Variants in COPS3 observed in about 807,000 individuals in gnomAD.
The protein encoded by COPS3 is COP9 signalosome subunit 3.
A neutral mutation model predicts 58.2 loss-of-function variants in COPS3; 10 were observed. That is an observed-to-expected ratio of 0.17 (90% confidence interval 0.11 to 0.29). The LOEUF (loss-of-function observed/expected upper bound fraction) is 0.29, where lower values mean the gene tolerates loss of function less well. Ranked by LOEUF, COPS3 falls within the 10% of genes least tolerant of loss-of-function variation. COPS3 has a pLI of 1.00. For missense variants in COPS3, 333 were observed against 510.1 expected, an observed-to-expected ratio of 0.65 and a Z score of 3.34; for synonymous variants, 187 against 181.7, an observed-to-expected ratio of 1.03 and a Z score of -0.24.
In COPS3 at chr17:17,248,980, A is replaced by G. The variant is rs148936216; in HGVS notation, c.1083T>C (p.His361=). Reference sequence around the variant, plus strand: ...GGTTATTATATTTTTCAGGGTTATCATGGAAACTGACCATACCGTCCTTCT... The same window carrying G: ...GGTTATTATATTTTTCAGGGTTATCGTGGAAACTGACCATACCGTCCTTCT... ...INQKDGMVSF[H]DNPEKYNNPA... The change falls in exon 10 of 12, where the codon CAT becomes CAC. Residue 361 remains histidine, a synonymous_variant. Transcript: ENST00000268717. The G allele has an allele frequency of 1.9e-6, 3 of 1,612,100 alleles. No homozygotes were observed. The South Asian group carries it at 3.3e-5, about 18-fold the overall frequency.
chr17:17,262,167 AC>A, intron 6 of COPS3, 61 bp from the exon 7 acceptor site: 1 of 1,442,048 alleles, frequency 6.9e-7, no homozygotes, highest in South Asian at 1.3e-5. Context: ...ACAACAATCA[AC>A]CACATGTATC....
chr17:17,247,411 G>A (rs926118034), intron 11 of COPS3, 69 bp downstream of exon 11: 10 of 1,389,488 alleles, frequency 7.2e-6, no homozygotes, highest in Admixed American at 6.9e-5. Context: ...CTTAGTTCCT[G>A]TGCCTGATGT....
chr17:17,280,897 T>C (rs931737918), intron 1 of COPS3: 19 of 960,470 alleles, frequency 2.0e-5, no homozygotes, highest in Non-Finnish European at 2.8e-5. Context: ...GGGAGGGGGC[T>C]CCCGGCGGCC....
chr17:17,259,819 A>G (rs2048053323), intron 8 of COPS3, among the ~76,000 whole-genome samples: 2 of 152,070 alleles, frequency 1.3e-5, no homozygotes, highest in Non-Finnish European at 2.9e-5. Context: ...ACTTGAGCTC[A>G]GGAGGCAGAG....
At chr17:17,275,291 T>A (rs1214964009) in intron 2 of COPS3, among the ~76,000 whole-genome samples, 1 of 152,056 alleles carries the variant, frequency 6.6e-6, no homozygotes, top group Non-Finnish European at 1.5e-5. Flanking sequence ...TTTCACCAGT[T>A]GGCCAGGCAG....
rs767200029 is a variant in COPS3, at chr17:17,264,995, G to A, written c.442-14C>T. On this transcript the variant is annotated splice_polypyrimidine_tract_variant and intron_variant, in intron 5 of 11. Coordinates refer to ENST00000268717, the MANE Select transcript of COPS3 (RefSeq NM_003653.4). ...TAGCAAACAAAGCTGTGAACAAATT[G>A]ATATTAAATCATCACTTTAATTTTA... 1.9e-6 allele frequency: 3 copies of A among 1,602,290 alleles called. No individual in the cohort carries two copies. Among genetic ancestry groups the A allele is most frequent in the East Asian group, 4.5e-5 (2 of 44,716 alleles).
chr17:17,263,514 T>TC (rs900625757), intron 6 of COPS3, among the ~76,000 whole-genome samples: 3 of 132,428 alleles, frequency 2.3e-5, no homozygotes, highest in African/African-American at 5.7e-5. Flanking sequence ...CCTTTTCTTT[T>TC]TTTTTTTTTT....
At position 17,246,841 on chromosome 17, in the gene COPS3, C is replaced by G; in HGVS notation, c.*257G>C. 2 of 472,616 alleles carry G rather than the reference C, an allele frequency of 4.2e-6. No homozygotes were observed. The highest frequency in any genetic ancestry group is 3.3e-5 in the East Asian group (1 of 30,412). 29.3% of individuals were successfully genotyped at this position (472,616 alleles called of 1,614,324 possible). On this transcript the variant is annotated 3_prime_UTR_variant, in exon 12 of 12. Coordinates refer to ENST00000268717, the MANE Select transcript of COPS3 (RefSeq NM_003653.4). Reference sequence around the variant, plus strand: ...ACATTAATGTTCAAGCAACTTAAAACAAAAAGGTAGATTTAATGCAGTAAC... The same window carrying G: ...ACATTAATGTTCAAGCAACTTAAAAGAAAAAGGTAGATTTAATGCAGTAAC...
chr17:17,280,715 C>G (rs1278992757), intron 1 of COPS3: 1 of 1,266,382 alleles, frequency 7.9e-7, no homozygotes, highest in Non-Finnish European at 1.0e-6. Flanking sequence ...CGCCCGCTCC[C>G]GGCGGCCTAG....
At chr17:17,271,167 T>C (rs1269389936) in intron 2 of COPS3, among the ~76,000 whole-genome samples, 159 bp from the exon 3 acceptor site, 3 of 152,200 alleles carry the variant, frequency 2.0e-5, no homozygotes, top group African/African-American at 7.2e-5. Flanking sequence ...CAGTGGCTCA[T>C]GCCCGTAATC....
chr17:17,280,897 TC>T, intron 1 of COPS3: 3 of 960,594 alleles, frequency 3.1e-6, no homozygotes, highest in Non-Finnish European at 4.4e-6. Context: ...GGGAGGGGGC[TC>T]CCGGCGGCCC....
In COPS3 at chr17:17,267,906, T is replaced by C. The variant is rs745702251; in HGVS notation, c.420A>G (p.Ser140=). 14 of 1,613,942 alleles carry C rather than the reference T, an allele frequency of 8.7e-6. No homozygotes were observed. The South Asian group carries it at 1.3e-4, about 15-fold the overall frequency. ...TTACCTGGCAGAGATCAGCATGTAT[T>C]GAGGTCAGCTGGTTTGTATTCATCT... ...KMQMNTNQLT[S]IHADLCQLCL... is the part of the protein sequence containing the mutation. The change falls in exon 5 of 12, where the codon TCA becomes TCG. Residue 140 remains serine, a synonymous_variant. Transcript: ENST00000268717.
chr17:17,265,487 C>T (rs2048202036), intron 5 of COPS3, among the ~76,000 whole-genome samples: 1 of 151,906 alleles, frequency 6.6e-6, no homozygotes. Context: ...CAACCTCCAC[C>T]TCCCGGGTTC....
chr17:17,265,400 CCTTT>C (rs1159198860), intron 5 of COPS3, among the ~76,000 whole-genome samples: 1 of 149,048 alleles, frequency 6.7e-6, no homozygotes, highest in African/African-American at 2.5e-5. Flanking sequence ...AACAGCATTA[CCTTT>C]TTTTTTTTTT....
In COPS3 at chr17:17,254,262, T is replaced by C. The variant is rs545827898; in HGVS notation, c.1023+597A>G. On this transcript the variant is annotated intron_variant, in intron 9 of 11. Transcript: ENST00000268717. Reference sequence around the variant, plus strand: ...AATTGAGGCTGCAGTGAGCCGAGATTGCACCACTGCACACCAGCCTGGGCA... The same window carrying C: ...AATTGAGGCTGCAGTGAGCCGAGATCGCACCACTGCACACCAGCCTGGGCA... 8.5e-5 allele frequency among the ~76,000 whole-genome samples: 12 copies of C among 140,986 alleles called. No individual in the cohort carries two copies. In the East Asian group the frequency reaches 2.6e-3, roughly 31 times the overall value. 92.5% of individuals were successfully genotyped at this position (140,986 alleles called of 152,430 possible).
intron 5 of COPS3, among the ~76,000 whole-genome samples, chr17:17,265,681 G>A (rs771332810): frequency 1.5e-4 from 23 of 152,158 alleles, no homozygotes; most frequent in Non-Finnish European, 1.5e-4. Flanking sequence ...TTACAGGCGT[G>A]AGCCACCTCA....
At chr17:17,253,576 C>G (rs2047897311) in intron 9 of COPS3, among the ~76,000 whole-genome samples, 1 of 152,114 alleles carries the variant, frequency 6.6e-6, no homozygotes, top group South Asian at 2.1e-4. Flanking sequence ...CTCTGGCCTC[C>G]TTTATGTCAG....
chr17:17,269,725 T>C (rs1203697600), intron 4 of COPS3, among the ~76,000 whole-genome samples: 2 of 152,230 alleles, frequency 1.3e-5, no homozygotes, highest in Non-Finnish European at 2.9e-5. Context: ...ATGCAATCCA[T>C]GGTCCACGGT....
chr17:17,280,428 C>G (rs898835577), intron 1 of COPS3: 1 of 473,028 alleles, frequency 2.1e-6, no homozygotes, highest in East Asian at 1.5e-4. Flanking sequence ...TGTGAGCTGG[C>G]GGGCGCCTGT....
Sources: allele counts gnomAD v4.1 joint callset (sites outside exome capture counted in the v4.1 genomes callset), GRCh38; gene constraint gnomAD v4.1.1; transcripts MANE v1.5; gene names NCBI Gene and HGNC (gene_info 2026-07-23, HGNC 2026-07-21).